The following GP1BA variants were observed in gnomAD, a reference collection of about 807,000 sequenced individuals.
GP1BA encodes the protein glycoprotein Ib platelet subunit alpha.
In GP1BA, 3 loss-of-function variants were observed where a neutral mutation model predicts 5.6. The observed-to-expected ratio is 0.53, with a 90% CI of 0.24 to 1.38. The LOEUF is 1.38. Ranked by LOEUF, GP1BA falls within the 40% of genes most tolerant of loss-of-function variation. GP1BA has a pLI of 0.16. For missense variants in GP1BA, 707 were observed against 801.4 expected (o/e 0.88, Z 1.42); for synonymous variants, 323 against 358.3 (o/e 0.90, Z 1.11).
Position 4,933,405 on chromosome 17 carries a change from A to C in GP1BA, c.801A>C (p.Ser267=). 2 of 1,613,958 alleles carry C rather than the reference A, an allele frequency of 1.2e-6. No homozygotes were observed. The highest frequency in any genetic ancestry group is 1.7e-6 in the Non-Finnish European group (2 of 1,179,848). ...SNVASVQCDN[S]DKFPVYKYPG... ...TGGCCAGTGTGCAGTGTGACAATTC[A>C]GACAAGTTTCCCGTCTACAAATACC... Residue 267 remains serine, a synonymous_variant, in exon 2 of 2, where the codon TCA becomes TCC. Coordinates refer to ENST00000329125, the MANE Select transcript of GP1BA (RefSeq NM_000173.7).
rs1970371137 is a variant in GP1BA at position 4,933,387 on chromosome 17, T to C, written c.783T>C (p.Ser261=). 1 of 1,613,876 alleles carries C rather than the reference T, an allele frequency of 6.2e-7. No individual in the cohort carries two copies. Among genetic ancestry groups the C allele is most frequent in the East Asian group, 2.2e-5 (1 of 44,882 alleles). Residue 261 remains serine, a synonymous_variant, in exon 2 of 2, where the codon AGT becomes AGC. Transcript: ENST00000329125. ...DVKAMTSNVA[S]VQCDNSDKFP... ...AGGCCATGACCTCTAACGTGGCCAG[T>C]GTGCAGTGTGACAATTCAGACAAGT...
chr17:4,934,105 C>G lies in GP1BA; in HGVS notation c.1501C>G (p.Pro501Ala). 2 of 1,613,800 alleles carry G rather than the reference C, an allele frequency of 1.2e-6. No individual in the cohort carries two copies. Among genetic ancestry groups the G allele is most frequent in the Non-Finnish European group, 1.7e-6 (2 of 1,179,872 alleles). Residue 501 changes from proline to alanine, a missense_variant, in exon 2 of 2, where the codon CCA becomes GCA. Transcript: ENST00000329125. ...AAAAACCATCCCTGAACTTGATCAG[C>G]CACCAAAGCTCCGTGGGGTGCTCCA... The part of the protein sequence containing the change: ...TKKTIPELDQ[P>A]PKLRGVLQGH...
rs368917053 is a variant in GP1BA at position 4,933,733 on chromosome 17, A to G, written c.1129A>G (p.Lys377Glu). ...MESITFSKTP[K>E]STTEPTPSPT... Reference sequence around the variant, plus strand: ...ATCCATCACATTCTCCAAAACTCCAAAATCCACTACTGAACCAACCCCAAG... The same window carrying G: ...ATCCATCACATTCTCCAAAACTCCAGAATCCACTACTGAACCAACCCCAAG... The change falls in exon 2 of 2, where the codon AAA (lysine) becomes GAA (glutamate). Residue 377 changes from lysine (K) to glutamate (E), a missense_variant. Lys to Glu is a moderately conservative substitution (Grantham distance 56, BLOSUM62 1). Coordinates refer to ENST00000329125, the MANE Select transcript of GP1BA (RefSeq NM_000173.7). 8 of 1,613,630 alleles carry G rather than the reference A, an allele frequency of 5.0e-6. No homozygotes were observed. The highest frequency in any genetic ancestry group is 6.8e-6 in the Non-Finnish European group (8 of 1,179,842).
Position 4,934,492 on chromosome 17 carries a change from GCT to G in GP1BA, c.1891_1892del (p.Leu631GlufsTer15), listed in dbSNP as rs1275579723. 1 of 1,613,932 alleles carries G rather than the reference GCT, an allele frequency of 6.2e-7. No homozygotes were observed. The highest frequency in any genetic ancestry group is 8.5e-7 in the Non-Finnish European group (1 of 1,179,916). ...GPLVAGRRPSALSQGRGQDLL... is the reference protein window; with the variant it reads ...GPLVAGRRPSXLSQGRGQDLL... ...TCTAGTGGCAGGAAGGAGGCCCTCA[GCT>G]CTGAGTCAGGGTCGTGGTCAGGACC... is the stretch of plus-strand genomic sequence containing the variant. On this transcript the variant is annotated frameshift_variant, in exon 2 of 2. Transcript: ENST00000329125. LOFTEE classifies it high-confidence loss of function.
chr17:4,934,654 G>A lies in GP1BA; in HGVS notation c.*91G>A. The A allele has an allele frequency of 1.7e-6, 2 of 1,205,948 alleles. No individual in the cohort carries two copies. The highest frequency in any genetic ancestry group is 2.6e-5 in the South Asian group (2 of 75,670). 74.7% of individuals were successfully genotyped at this position (1,205,948 alleles called of 1,614,324 possible). ...GTTGGAGGGGTAAGGAACACAGGGT[G>A]ATAGGGAGGGGTCTTAGTTCCTTTT... On this transcript the variant is annotated 3_prime_UTR_variant, in exon 2 of 2. Coordinates refer to ENST00000329125, the MANE Select transcript of GP1BA (RefSeq NM_000173.7).
At position 4,933,945 on chromosome 17, in the gene GP1BA, G is replaced by A. The variant is rs1413119881; in HGVS notation, c.1341G>A (p.Pro447=). 1.4e-5 allele frequency: 17 copies of A among 1,177,282 alleles called. No individual in the cohort carries two copies. The highest frequency in any genetic ancestry group is 2.2e-5 in the African/African-American group (1 of 46,246). 72.9% of individuals were successfully genotyped at this position (1,177,282 alleles called of 1,614,324 possible). A position where few individuals can be genotyped will look rare whatever the true frequency, so the allele number is the denominator to read the frequency against. The stretch of plus-strand genomic sequence containing the variant: ...CCACCTCAGAGCCCGCCCCCAGCCC[G>A]ACCACCCCGGAGCCCACCCCAATCC... ...PEPTSEPAPS[P]TTPEPTPIPT... is the part of the protein sequence containing the mutation. Residue 447 remains proline, a synonymous_variant, in exon 2 of 2, where the codon CCG becomes CCA. Transcript: ENST00000329125.
At position 4,934,406 on chromosome 17, in the gene GP1BA, C is replaced by G. The variant is rs374187529; in HGVS notation, c.1802C>G (p.Ser601Trp). 1.2e-6 allele frequency: 2 copies of G among 1,614,052 alleles called. No homozygotes were observed. The highest frequency in any genetic ancestry group is 1.7e-6 in the Non-Finnish European group (2 of 1,179,910). The stretch of plus-strand genomic sequence containing the variant: ...GCCTGGCTGCTCTTCCTTCGAGGTT[C>G]GCTTCCCACTTTCCGCTCCAGCCTC... ...PRAWLLFLRG[S>W]LPTFRSSLFL... Residue 601 changes from serine (S) to tryptophan (W), a missense_variant, in exon 2 of 2, where the codon TCG (serine) becomes TGG (tryptophan). Transcript: ENST00000329125.
chr17:4,933,337 G>A lies in GP1BA; in HGVS notation c.733G>A (p.Val245Ile), dbSNP rs1436997235. 22 of 1,613,850 alleles carry A rather than the reference G, an allele frequency of 1.4e-5. No homozygotes were observed. The highest frequency in any genetic ancestry group is 1.6e-4 in the Middle Eastern group (1 of 6,084). The change falls in exon 2 of 2, where the codon GTA becomes ATA. Residue 245 changes from valine (V) to isoleucine (I), a missense_variant. Physicochemically the swap from Val to Ile is conservative, Grantham distance 29. Coordinates refer to ENST00000329125, the MANE Select transcript of GP1BA (RefSeq NM_000173.7). ...WLQDNAENVY[V>I]WKQGVDVKAM... ...GCAGGACAATGCTGAAAATGTCTAC[G>A]TATGGAAGCAAGGTGTGGACGTCAA...
chr17:4,932,910 C>A lies in GP1BA; in HGVS notation c.306C>A (p.His102Gln), dbSNP rs1208911439. ...TGCTGGGGACCCTGGATCTATCCCACAATCAGCTGCAAAGCCTGCCCTTGC... is the reference window on the plus strand; with the variant it reads ...TGCTGGGGACCCTGGATCTATCCCAAAATCAGCTGCAAAGCCTGCCCTTGC... ...LPVLGTLDLS[H>Q]NQLQSLPLLG... is the part of the protein sequence containing the mutation. Residue 102 changes from histidine (H) to glutamine (Q), a missense_variant, in exon 2 of 2, where the codon CAC (histidine) becomes CAA (glutamine). Coordinates refer to ENST00000329125, the MANE Select transcript of GP1BA (RefSeq NM_000173.7). This position sits in a 1 kb window ranked among gnomAD's most constrained non-coding sequence, Gnocchi z 4.8. 3.1e-6 allele frequency: 5 copies of A among 1,613,978 alleles called. No homozygotes were observed. The highest frequency in any genetic ancestry group is 4.2e-6 in the Non-Finnish European group (5 of 1,179,886).
At position 4,932,905 on chromosome 17, in the gene GP1BA, T is replaced by A. The variant is rs780294091; in HGVS notation, c.301T>A (p.Ser101Thr). Reference sequence around the variant, plus strand: ...GCCAGTGCTGGGGACCCTGGATCTATCCCACAATCAGCTGCAAAGCCTGCC... The same window carrying A: ...GCCAGTGCTGGGGACCCTGGATCTAACCCACAATCAGCTGCAAAGCCTGCC... ...TLPVLGTLDL[S>T]HNQLQSLPLL... is the part of the protein sequence containing the mutation. Residue 101 changes from serine (S) to threonine (T), a missense_variant, in exon 2 of 2, where the codon TCC (serine) becomes ACC (threonine). Ser to Thr is a moderately conservative substitution (Grantham distance 58). Around this residue, in one of 3 missense-constraint regions of GP1BA, gnomAD observed 442 missense variants for 498.8 expected, o/e 0.89. Transcript: ENST00000329125. This position sits in a 1 kb window ranked among gnomAD's most constrained non-coding sequence, Gnocchi z 4.8. 1 of 1,613,928 alleles carries A rather than the reference T, an allele frequency of 6.2e-7. No homozygotes were observed. Among genetic ancestry groups the A allele is most frequent in the African/African-American group, 1.3e-5 (1 of 75,044 alleles).
Position 4,933,581 on chromosome 17 carries a change from T to G in GP1BA, c.977T>G (p.Phe326Cys). ...GCCCATACAACCCCCTGGGGTCTAT[T>G]CTACTCATGGTCCACTGCTTCTCTA... The part of the protein sequence containing the change: ...TKAHTTPWGL[F>C]YSWSTASLDS... The change falls in exon 2 of 2, where the codon TTC becomes TGC. Residue 326 changes from phenylalanine (F) to cysteine (C), a missense_variant. By Grantham distance (205) the Phe-to-Cys change is radical. This residue lies in a region of GP1BA where 442 missense variants were observed against 498.8 expected (regional missense o/e 0.89). Coordinates refer to ENST00000329125, the MANE Select transcript of GP1BA (RefSeq NM_000173.7). 6.2e-7 allele frequency: 1 copy of G among 1,613,920 alleles called. No homozygotes were observed. Among genetic ancestry groups the G allele is most frequent in the Non-Finnish European group, 8.5e-7 (1 of 1,179,858 alleles).
At position 4,932,593 on chromosome 17, in the gene GP1BA, C is replaced by A; in HGVS notation, c.-6-6C>A. ...GGGGATCCACTCAAGGCTCCCTTGC[C>A]CACAGGTCCTCATGCCTCTCCTCCT... is the stretch of plus-strand genomic sequence containing the variant. On this transcript the variant is annotated splice_polypyrimidine_tract_variant and splice_region_variant and intron_variant, in intron 1 of 1. Transcript: ENST00000329125. The surrounding 1 kb of genome is among the most constrained non-coding windows in gnomAD (Gnocchi z 4.8). 1 of 1,609,880 alleles carries A rather than the reference C, an allele frequency of 6.2e-7. No homozygotes were observed. The highest frequency in any genetic ancestry group is 8.5e-7 in the Non-Finnish European group (1 of 1,177,064).
Position 4,933,817 on chromosome 17 carries a change from A to T in GP1BA, c.1213A>T (p.Thr405Ser), listed in dbSNP as rs914234286. Residue 405 changes from threonine (T) to serine (S), a missense_variant, in exon 2 of 2, where the codon ACT (threonine) becomes TCT (serine). Thr to Ser is a moderately conservative substitution (Grantham distance 58). This residue lies in a region of GP1BA where 442 missense variants were observed against 498.8 expected (regional missense o/e 0.89). Coordinates refer to ENST00000329125, the MANE Select transcript of GP1BA (RefSeq NM_000173.7). The stretch of plus-strand genomic sequence containing the variant: ...CCCAAACATGACCACCCTGGAGCCC[A>T]CTCCAAGCCCGACCACCCCAGAGCC... ...PAPNMTTLEP[T>S]PSPTTPEPTS... 9.4e-6 allele frequency: 15 copies of T among 1,597,928 alleles called. No homozygotes were observed. Among genetic ancestry groups the T allele is most frequent in the Admixed American group, 1.7e-5 (1 of 58,540 alleles).
Position 4,932,679 on chromosome 17 carries a change from G to A in GP1BA, c.75G>A (p.Val25=). The A allele has an allele frequency of 4.3e-6, 7 of 1,613,818 alleles. No homozygotes were observed. Among genetic ancestry groups the A allele is most frequent in the Non-Finnish European group, 5.9e-6 (7 of 1,179,856 alleles). ...ACCCCATCTGTGAGGTCTCCAAAGT[G>A]GCCAGCCACCTAGAAGTGAACTGTG... The part of the protein sequence containing the change: ...HPHPICEVSK[V]ASHLEVNCDK... Residue 25 remains valine (V), a synonymous_variant, in exon 2 of 2, where the codon GTG becomes GTA. Coordinates refer to ENST00000329125, the MANE Select transcript of GP1BA (RefSeq NM_000173.7). The surrounding 1 kb of genome is among the most constrained non-coding windows in gnomAD (Gnocchi z 4.8).
rs1396840938 is a variant in GP1BA, at chr17:4,933,105, G to A, written c.501G>A (p.Glu167=). ...TCCTGACGCCCACACCCAAGCTGGA[G>A]AAGCTCAGTCTGGCTAACAACAACT... ...PGLLTPTPKL[E]KLSLANNNLT... is the part of the protein sequence containing the mutation. The change falls in exon 2 of 2, where the codon GAG becomes GAA. Residue 167 remains glutamate, a synonymous_variant. Transcript: ENST00000329125. 1 of 1,613,834 alleles carries A rather than the reference G, an allele frequency of 6.2e-7. No individual in the cohort carries two copies. Among genetic ancestry groups the A allele is most frequent in the Non-Finnish European group, 8.5e-7 (1 of 1,179,830 alleles).
In GP1BA at chr17:4,934,374, GC is replaced by G. The variant is rs1394996640; in HGVS notation, c.1774del (p.Arg592GlyfsTer31). The G allele has an allele frequency of 5.6e-6, 9 of 1,613,932 alleles. No homozygotes were observed. Among genetic ancestry groups the G allele is most frequent in the Non-Finnish European group, 7.6e-6 (9 of 1,179,910 alleles). ...TGCAGAGGGGACGGCAAGTGACAGT[GC>G]CCCGGGCCTGGCTGCTCTTCCTTCG... Reference protein sequence around the residue: ...ELQRGRQVTVPRAWLLFLRGS... With the variant: ...ELQRGRQVTVXRAWLLFLRGS... On this transcript the variant is annotated frameshift_variant, in exon 2 of 2. Coordinates refer to ENST00000329125, the MANE Select transcript of GP1BA (RefSeq NM_000173.7). LOFTEE classifies it high-confidence loss of function.
Position 4,932,529 on chromosome 17 carries a change from G to C in GP1BA, c.-6-70G>C. On this transcript the variant is annotated intron_variant, in intron 1 of 1. Coordinates refer to ENST00000329125, the MANE Select transcript of GP1BA (RefSeq NM_000173.7). This position sits in a 1 kb window ranked among gnomAD's most constrained non-coding sequence, Gnocchi z 4.8. ...TCTGGAAGCGAAGCTGCAGGGGGAAGGGGGCTGGGGCCTGGGGGGATGCTT... is the reference window on the plus strand; with the variant it reads ...TCTGGAAGCGAAGCTGCAGGGGGAACGGGGCTGGGGCCTGGGGGGATGCTT... 2 of 1,458,218 alleles carry C rather than the reference G, an allele frequency of 1.4e-6. No individual in the cohort carries two copies. The highest frequency in any genetic ancestry group is 1.4e-5 in the African/African-American group (1 of 70,814). The allele number at this position is 1,458,218 out of a possible 1,614,324, so 90.3% of individuals were successfully genotyped here. A position where few individuals can be genotyped will look rare whatever the true frequency, so the allele number is the denominator to read the frequency against.
chr17:4,933,239 T>G lies in GP1BA; in HGVS notation c.635T>G (p.Leu212Arg), dbSNP rs1970369395. The change falls in exon 2 of 2, where the codon CTC (leucine) becomes CGC (arginine). Residue 212 changes from leucine (L) to arginine (R), a missense_variant. By Grantham distance (102) the Leu-to-Arg change is moderately radical (BLOSUM62 -2). This residue lies in a region of GP1BA where 442 missense variants were observed against 498.8 expected (regional missense o/e 0.89). Coordinates refer to ENST00000329125, the MANE Select transcript of GP1BA (RefSeq NM_000173.7). ...CCAAAGGGCTTTTTTGGGTCCCACCTCCTGCCTTTTGCTTTTCTCCACGGG... is the reference window on the plus strand; with the variant it reads ...CCAAAGGGCTTTTTTGGGTCCCACCGCCTGCCTTTTGCTTTTCTCCACGGG... ...TIPKGFFGSH[L>R]LPFAFLHGNP... The G allele has an allele frequency of 1.2e-6, 2 of 1,613,986 alleles. No individual in the cohort carries two copies.
rs199540332 is a variant in GP1BA at position 4,933,979 on chromosome 17, G to A, written c.1375G>A (p.Ala459Thr). The A allele has an allele frequency of 1.6e-4, 253 of 1,586,686 alleles. No individual in the cohort carries two copies. In the African/African-American group the frequency reaches 2.5e-3, roughly 16 times the overall value. ...GGAGCCCACCCCAATCCCGACCATC[G>A]CCACAAGCCCGACCATCCTGGTGTC... ...TPEPTPIPTI[A>T]TSPTILVSAT... The change falls in exon 2 of 2, where the codon GCC becomes ACC. Residue 459 changes from alanine (A) to threonine (T), a missense_variant. By Grantham distance (58) the Ala-to-Thr change is moderately conservative. Around this residue, in one of 3 missense-constraint regions of GP1BA, gnomAD observed 247 missense variants for 246.6 expected, o/e 1.00. Coordinates refer to ENST00000329125, the MANE Select transcript of GP1BA (RefSeq NM_000173.7).
Sources: allele counts gnomAD v4.1 joint callset, GRCh38; gene constraint gnomAD v4.1.1; regional missense constraint gnomAD v4.1.1; non-coding constraint Gnocchi (gnomAD v3.1); transcripts MANE v1.5; gene names NCBI Gene and HGNC (gene_info 2026-07-23, HGNC 2026-07-21).